Variants in VCL observed in about 807,000 individuals in gnomAD.
VCL encodes epididymis luminal protein 114.
Under a neutral mutation model 125.7 loss-of-function variants are expected in VCL, and 47 were observed. The ratio of observed to expected loss-of-function variants is 0.37; its 90% confidence interval spans 0.30 to 0.48. VCL has a LOEUF of 0.48. Among genes scored for constraint, VCL ranks in the 20% least tolerant of loss-of-function variants. VCL has a pLI of 0.99. For missense variants in VCL, 1,069 were observed against 1,455.5 expected (o/e 0.73, Z 4.32); for synonymous variants, 458 against 514.6 (o/e 0.89, Z 1.49).
intron 2 of VCL, among the ~76,000 whole-genome samples, chr10:74,048,967 A>C (rs1442959276): frequency 6.6e-6 from 1 of 152,026 alleles, no homozygotes; most frequent in Non-Finnish European, 1.5e-5. Flanking sequence ...AATTAGCCGG[A>C]CGTGGTGGCA....
chr10:74,021,470 A>C (rs1210605091), intron 1 of VCL, among the ~76,000 whole-genome samples: 1 of 152,202 alleles, frequency 6.6e-6, no homozygotes, highest in Admixed American at 6.5e-5. Context: ...TCCGAAGGCA[A>C]TGATATATCT....
chr10:74,078,264 T>C (rs368820662), intron 6 of VCL, among the ~76,000 whole-genome samples: 2 of 152,318 alleles, frequency 1.3e-5, no homozygotes, highest in South Asian at 2.1e-4. Flanking sequence ...ACTGTGGTCC[T>C]GGGCTGGTGG....
At chr10:74,070,933 T>C (rs1841654886) in intron 3 of VCL, 42 bp from the exon 4 acceptor site, 4 of 1,612,172 alleles carry the variant, frequency 2.5e-6, no homozygotes, top group Admixed American at 1.7e-5. Flanking sequence ...TGTTTGCTAG[T>C]TGTCCACCCA....
chr10:74,079,884 T>C (rs1839650200), intron 6 of VCL, among the ~76,000 whole-genome samples: 3 of 152,226 alleles, frequency 2.0e-5, no homozygotes, highest in Non-Finnish European at 2.9e-5. Flanking sequence ...TGGTAACTTA[T>C]TGAAAGTCGC....
At chr10:74,062,055 G>T (rs1421819503) in intron 2 of VCL, among the ~76,000 whole-genome samples, 4 of 151,248 alleles carry the variant, frequency 2.6e-5, no homozygotes, top group African/African-American at 9.7e-5. Flanking sequence ...ACAACACCAT[G>T]CCATTACATT....
rs1840383644 is a variant in VCL at position 74,119,966 on chromosome 10, T to C, written c.*1797T>C. 1.3e-5 allele frequency: 2 copies of C among 150,902 alleles called. No homozygotes were observed. Among genetic ancestry groups the C allele is most frequent in the South Asian group, 2.1e-4 (1 of 4,780 alleles). The allele number at this position is 150,902 out of a possible 1,614,324, so 9.3% of individuals were successfully genotyped here. Reference sequence around the variant, plus strand: ...ACACTGGTTTACACTTTATGCCGGATGTGCTTTTCTCCAATATCAGTGCTC... The same window carrying C: ...ACACTGGTTTACACTTTATGCCGGACGTGCTTTTCTCCAATATCAGTGCTC... On this transcript the variant is annotated 3_prime_UTR_variant, in exon 22 of 22. Coordinates refer to ENST00000211998, the MANE Select transcript of VCL (RefSeq NM_014000.3).
chr10:74,004,827 C>T (rs924495444), intron 1 of VCL, among the ~76,000 whole-genome samples: 6 of 152,016 alleles, frequency 3.9e-5, no homozygotes, highest in Non-Finnish European at 7.4e-5. Flanking sequence ...GCCTCAGCCT[C>T]CCGAGTAGCT....
In VCL at chr10:74,038,955, A is replaced by G. The variant is rs542170778; in HGVS notation, c.169-4128A>G. ...AGACGGTGTTTTGCTCTTGTCACCC[A>G]GGCTGGAGTACAGTGGCGCGATCTT... is the stretch of plus-strand genomic sequence containing the variant. On this transcript the variant is annotated intron_variant, in intron 1 of 21. Coordinates refer to ENST00000211998, the MANE Select transcript of VCL (RefSeq NM_014000.3). Among the ~76,000 whole-genome samples, 39 of 151,848 alleles carry G rather than the reference A, an allele frequency of 2.6e-4. No individual in the cohort carries two copies. In the South Asian group the frequency reaches 7.7e-3, roughly 30 times the overall value.
At chr10:74,058,916 C>G (rs147069660) in intron 2 of VCL, among the ~76,000 whole-genome samples, 1 of 151,940 alleles carries the variant, frequency 6.6e-6, no homozygotes, top group South Asian at 2.1e-4. Flanking sequence ...TGCGTGTGCA[C>G]GTGCGTATGC....
intron 20 of VCL, 77 bp from the exon 21 acceptor site, chr10:74,114,718 G>A (rs1840285889): frequency 7.0e-7 from 1 of 1,433,062 alleles, no homozygotes; most frequent in South Asian, 1.2e-5. Flanking sequence ...GGAATACAGA[G>A]GTAGGTAAGT....
At position 74,112,030 on chromosome 10, in the gene VCL, T is replaced by G. The variant is rs765717598; in HGVS notation, c.2867T>G (p.Met956Arg). 9.9e-6 allele frequency: 16 copies of G among 1,614,086 alleles called. No homozygotes were observed. In the East Asian group the frequency reaches 3.3e-4, roughly 34 times the overall value. The change falls in exon 19 of 22, where the codon ATG (methionine) becomes AGG (arginine). Residue 956 changes from methionine (M) to arginine (R), a missense_variant. By Grantham distance (91) the Met-to-Arg change is moderately conservative. Transcript: ENST00000211998. ...EDDYEPELLL[M>R]PSNQPVNQPI... ...GATTACGAACCTGAGCTGCTGTTAATGCCATCCAATCAGCCGGTCAACCAG... is the reference window on the plus strand; with the variant it reads ...GATTACGAACCTGAGCTGCTGTTAAGGCCATCCAATCAGCCGGTCAACCAG...
At chr10:74,020,487 GT>G (rs1358384444) in intron 1 of VCL, among the ~76,000 whole-genome samples, 1 of 152,106 alleles carries the variant, frequency 6.6e-6, no homozygotes, top group African/African-American at 2.4e-5. Flanking sequence ...GAATGCCAGT[GT>G]TTTTTAATGA....
chr10:74,009,924 T>A (rs1165560995), intron 1 of VCL, among the ~76,000 whole-genome samples: 1 of 151,678 alleles, frequency 6.6e-6, no homozygotes, highest in Non-Finnish European at 1.5e-5. Context: ...TTCTTTTTTT[T>A]ATTTTTCTTT....
chr10:74,009,414 A>G (rs1840385582), intron 1 of VCL, among the ~76,000 whole-genome samples: 1 of 150,938 alleles, frequency 6.6e-6, no homozygotes. Flanking sequence ...GCCTGCCACC[A>G]CGCCCGGCTA....
At chr10:74,000,967 T>A (rs574936315) in intron 1 of VCL, among the ~76,000 whole-genome samples, 1 of 152,346 alleles carries the variant, frequency 6.6e-6, no homozygotes, top group South Asian at 2.1e-4. Context: ...CAAAGGTACT[T>A]GTGAGTAAGT....
At chr10:74,114,435 G>A (rs1373387339) in intron 20 of VCL, 48 bp downstream of exon 20, 4 of 1,507,330 alleles carry the variant, frequency 2.7e-6, no homozygotes, top group Non-Finnish European at 2.7e-6. Context: ...GTGTGTGTGT[G>A]TGCGTGTGTG....
At chr10:74,064,266 T>C (rs906591658) in intron 2 of VCL, among the ~76,000 whole-genome samples, 5 of 152,196 alleles carry the variant, frequency 3.3e-5, no homozygotes, top group African/African-American at 1.2e-4. Flanking sequence ...TCATGCTGCC[T>C]GGGTGCACCA....
chr10:74,020,465 G>A (rs898244861), intron 1 of VCL, among the ~76,000 whole-genome samples: 7 of 152,162 alleles, frequency 4.6e-5, no homozygotes, highest in Admixed American at 1.3e-4. Flanking sequence ...TAAGGAAAGG[G>A]CTTGAATTCA....
chr10:74,114,609 C>T (rs1840283941), intron 20 of VCL, among the ~76,000 whole-genome samples, 186 bp from the exon 21 acceptor site: 1 of 151,520 alleles, frequency 6.6e-6, no homozygotes, highest in Non-Finnish European at 1.5e-5. Context: ...CAAATGAATG[C>T]TTCCATTTCT....
Sources: allele counts gnomAD v4.1 joint callset (sites outside exome capture counted in the v4.1 genomes callset), GRCh38; gene constraint gnomAD v4.1.1; transcripts MANE v1.5; gene names NCBI Gene and HGNC (gene_info 2026-07-23, HGNC 2026-07-21).